The following DENND6A variants were observed in gnomAD, a reference collection of about 807,000 sequenced individuals.
The protein encoded by DENND6A is DENN domain containing 6A, also known as protein DENND6A.
DENND6A carries 43 observed loss-of-function variants against 95.5 expected under a neutral mutation model. The ratio of observed to expected loss-of-function variants is 0.45; its 90% confidence interval spans 0.35 to 0.58. The LOEUF (loss-of-function observed/expected upper bound fraction) is 0.58, where lower values mean the gene tolerates loss of function less well. Ranked by LOEUF, DENND6A falls within the 20% of genes least tolerant of loss-of-function variation. The pLI is 0.00. For missense variants in DENND6A, 574 were observed against 736.0 expected (o/e 0.78, Z 2.55); for synonymous variants, 257 against 260.4 (o/e 0.99, Z 0.13).
intron 9 of DENND6A, chr3:57,654,981 C>T (rs1188077901): frequency 4.5e-6 from 1 of 221,478 alleles, no homozygotes; most frequent in Non-Finnish European, 7.6e-6. Flanking sequence ...ATAATACTAT[C>T]ACTGTGTGAG....
At chr3:57,687,118 C>G (rs1189156811) in intron 1 of DENND6A, among the ~76,000 whole-genome samples, 1 of 152,116 alleles carries the variant, frequency 6.6e-6, no homozygotes, top group African/African-American at 2.4e-5. Flanking sequence ...CTCAGCCTCC[C>G]AAAGCGCTGA....
At chr3:57,634,446 A>C in intron 14 of DENND6A, 112 bp downstream of exon 14, 1 of 563,010 alleles carries the variant, frequency 1.8e-6, no homozygotes, top group East Asian at 3.8e-5. Flanking sequence ...AAAAAAAAAA[A>C]AAAAAGGAGA....
intron 1 of DENND6A, among the ~76,000 whole-genome samples, chr3:57,681,159 T>C (rs1381179519): frequency 2.0e-5 from 3 of 152,074 alleles, no homozygotes; most frequent in Non-Finnish European, 2.9e-5. Flanking sequence ...TGAGACTCTG[T>C]CTCCTCAAAA....
chr3:57,641,822 CTTT>C, intron 11 of DENND6A, 75 bp from the exon 12 acceptor site: 1 of 1,213,602 alleles, frequency 8.2e-7, no homozygotes, highest in South Asian at 1.4e-5. Flanking sequence ...GAATAGTTTA[CTTT>C]TTTTTTCAAT....
intron 11 of DENND6A, among the ~76,000 whole-genome samples, chr3:57,642,097 G>A (rs1460740025): frequency 4.0e-5 from 6 of 151,856 alleles, no homozygotes; most frequent in Non-Finnish European, 7.4e-5. Flanking sequence ...GGCAGATCAC[G>A]AGGTTAGGAG....
intron 12 of DENND6A, among the ~76,000 whole-genome samples, 165 bp downstream of exon 12, chr3:57,641,488 A>G (rs534160534): frequency 1.3e-5 from 2 of 150,982 alleles, no homozygotes; most frequent in East Asian, 1.9e-4. Flanking sequence ...TATACATATT[A>G]TAAGAGCCTG....
chr3:57,674,028 C>T (rs1438529666), intron 1 of DENND6A, among the ~76,000 whole-genome samples: 1 of 152,014 alleles, frequency 6.6e-6, no homozygotes, highest in Non-Finnish European at 1.5e-5. Flanking sequence ...CCTTGGCCTC[C>T]CAAAGTGCTG....
chr3:57,654,495 A>G, intron 9 of DENND6A: 1 of 411,358 alleles, frequency 2.4e-6, no homozygotes, highest in Middle Eastern at 1.3e-3. Flanking sequence ...AATAGGGAAC[A>G]GGGGAGAGAA....
chr3:57,686,105 T>C (rs1051201962), intron 1 of DENND6A, among the ~76,000 whole-genome samples: 5 of 152,098 alleles, frequency 3.3e-5, no homozygotes, highest in African/African-American at 1.2e-4. Context: ...ACAAAATAAA[T>C]AGAATCCCAA....
Position 57,637,249 on chromosome 3 carries a change from TC to T in DENND6A, c.1133-2481del, listed in dbSNP as rs141135455. ...AGAACCAGCTGGTTACTGCCATCATTCATTCTGATTAATGAGTGCCCTATTA... is the reference window on the plus strand; with the variant it reads ...AGAACCAGCTGGTTACTGCCATCATTATTCTGATTAATGAGTGCCCTATTA... On this transcript the variant is annotated intron_variant, in intron 12 of 19. Transcript: ENST00000311128. Among the ~76,000 whole-genome samples the T allele has an allele frequency of 1.6e-3, 250 of 152,328 alleles. 6 individuals carry two copies. In the East Asian group the frequency reaches 0.046, roughly 28 times the overall value.
intron 3 of DENND6A, among the ~76,000 whole-genome samples, 199 bp downstream of exon 3, chr3:57,672,057 A>G (rs1342685562): frequency 6.6e-6 from 1 of 152,242 alleles, no homozygotes; most frequent in Non-Finnish European, 1.5e-5. Context: ...GGTTTACCTC[A>G]TCACACCATA....
intron 1 of DENND6A, among the ~76,000 whole-genome samples, chr3:57,679,978 A>G (rs1342153281): frequency 1.3e-5 from 2 of 152,202 alleles, no homozygotes; most frequent in Non-Finnish European, 2.9e-5. Flanking sequence ...GAGAAACTAG[A>G]ACTGTTAGAA....
intron 9 of DENND6A, among the ~76,000 whole-genome samples, chr3:57,650,439 CACACACATACAT>C (rs2071181433): frequency 6.6e-6 from 1 of 151,714 alleles, no homozygotes; most frequent in Admixed American, 6.6e-5. Flanking sequence ...CACACACACA[CACACACATACAT>C]ACACACACAC....
chr3:57,685,094 T>G (rs1436018330), intron 1 of DENND6A, among the ~76,000 whole-genome samples: 3 of 151,880 alleles, frequency 2.0e-5, no homozygotes, highest in South Asian at 2.1e-4. Flanking sequence ...TTTTTTTTTT[T>G]TGTATTTTTA....
intron 1 of DENND6A, among the ~76,000 whole-genome samples, chr3:57,679,077 C>G (rs190588489): frequency 2.0e-5 from 3 of 152,386 alleles, no homozygotes; most frequent in Admixed American, 2.0e-4. Flanking sequence ...GCACTCCACC[C>G]TGGACGACAG....
rs867389653 is a variant in DENND6A, at chr3:57,661,535, C to T, written c.530G>A (p.Ser177Asn). 6.3e-7 allele frequency: 1 copy of T among 1,577,838 alleles called. No individual in the cohort carries two copies. Among genetic ancestry groups the T allele is most frequent in the Admixed American group, 2.1e-5 (1 of 47,242 alleles). The change falls in exon 6 of 20, where the codon AGC (serine) becomes AAC (asparagine). Residue 177 changes from serine (S) to asparagine (N), a missense_variant. Ser to Asn is a conservative substitution (Grantham distance 46, BLOSUM62 1). Around this residue, in one of 2 missense-constraint regions of DENND6A, gnomAD observed 452 missense variants for 630.9 expected, o/e 0.72. Coordinates refer to ENST00000311128, the MANE Select transcript of DENND6A (RefSeq NM_152678.3). ...GYFQKSLVLISKLPYIHFFHT... is the reference protein window; with the variant it reads ...GYFQKSLVLINKLPYIHFFHT... ...AAAAAAATGAATATAAGGTAGTTTG[C>T]TGATCAAAACCAAGGACTGAGGAAA...
At chr3:57,639,262 T>A (rs533426359) in intron 12 of DENND6A, among the ~76,000 whole-genome samples, 35 of 152,306 alleles carry the variant, frequency 2.3e-4, no homozygotes, top group Non-Finnish European at 4.1e-4. Context: ...AATGACAACA[T>A]CAAATGTTGG....
intron 18 of DENND6A, among the ~76,000 whole-genome samples, chr3:57,629,192 C>G (rs991324210): frequency 6.6e-6 from 1 of 152,166 alleles, no homozygotes; most frequent in Admixed American, 6.6e-5. Flanking sequence ...ACCCCCACTT[C>G]CACTAAGTAG....
Position 57,659,164 on chromosome 3 carries a change from C to T in DENND6A, c.716G>A (p.Cys239Tyr), listed in dbSNP as rs2071380181. The T allele has an allele frequency of 2.5e-6, 4 of 1,613,848 alleles. No homozygotes were observed. The highest frequency in any genetic ancestry group is 3.3e-5 in the Admixed American group (2 of 59,974). Residue 239 changes from cysteine to tyrosine, a missense_variant, in exon 8 of 20, where the codon TGT becomes TAT. Physicochemically the swap from Cys to Tyr is radical, Grantham distance 194. Transcript: ENST00000311128. ...TTGAGTTGTCCCAGGCTTGTCATGACATGTGGGAATCCGTACCTAAAAGAA... is the reference window on the plus strand; with the variant it reads ...TTGAGTTGTCCCAGGCTTGTCATGATATGTGGGAATCCGTACCTAAAAGAA... ...GVVMKVRIPT[C>Y]HDKPGTTQIV... is the part of the protein sequence containing the mutation.
Sources: allele counts gnomAD v4.1 joint callset (sites outside exome capture counted in the v4.1 genomes callset), GRCh38; gene constraint gnomAD v4.1.1; regional missense constraint gnomAD v4.1.1; transcripts MANE v1.5; gene names NCBI Gene and HGNC (gene_info 2026-07-23, HGNC 2026-07-21).